Variants in C9 observed in about 807,000 individuals in gnomAD.
The protein encoded by C9 is complement C9.
In C9, 63 loss-of-function variants were observed where a neutral mutation model predicts 65.4. That is an observed-to-expected ratio of 0.96 (90% CI 0.79 to 1.19). The LOEUF is 1.19. C9 is among the 50% of genes most tolerant of loss of function. C9 has a pLI of 0.00. For missense variants in C9, 744 were observed against 670.1 expected, an observed-to-expected ratio of 1.11 and a Z score of -1.22; for synonymous variants, 229 against 227.9, an observed-to-expected ratio of 1.00 and a Z score of -0.04.
intron 9 of C9, among the ~76,000 whole-genome samples, chr5:39,296,240 G>A (rs1753183303): frequency 6.6e-6 from 1 of 151,494 alleles, no homozygotes; most frequent in Non-Finnish European, 1.5e-5. Context: ...GTGACCTGCA[G>A]AATGGGGAAA....
Position 39,306,715 on chromosome 5 carries a change from G to A in C9, c.1318C>T (p.Leu440=). The change falls in exon 9 of 11, where the codon CTG becomes TTG. Residue 440 remains leucine (L), a synonymous_variant. Coordinates refer to ENST00000263408, the MANE Select transcript of C9 (RefSeq NM_001737.5). ...GTTCCTCGGAGAAGCTTTTCTTTCA[G>A]TTCAAATGCATATTTTCTGGTTCCA... is the stretch of plus-strand genomic sequence containing the variant. ...RGGTRKYAFE[L]KEKLLRGTVI... 1 of 1,612,562 alleles carries A rather than the reference G, an allele frequency of 6.2e-7. No homozygotes were observed. Among genetic ancestry groups the A allele is most frequent in the Non-Finnish European group, 8.5e-7 (1 of 1,178,688 alleles).
At chr5:39,327,419 C>T (rs1178449058) in intron 5 of C9, among the ~76,000 whole-genome samples, 2 of 152,104 alleles carry the variant, frequency 1.3e-5, no homozygotes, top group African/African-American at 2.4e-5. Context: ...GAATAAGAAA[C>T]AGATTTAAAG....
chr5:39,341,763 G>A, intron 2 of C9, 63 bp from the exon 3 acceptor site: 1 of 1,460,778 alleles, frequency 6.8e-7, no homozygotes, highest in South Asian at 1.1e-5. Context: ...TGGTCTAAAG[G>A]TGCATCCATA....
At chr5:39,355,562 T>C (rs1221583735) in intron 1 of C9, among the ~76,000 whole-genome samples, 2 of 152,156 alleles carry the variant, frequency 1.3e-5, no homozygotes, top group Non-Finnish European at 1.5e-5. Context: ...TGACTTGAAT[T>C]CATTCTTTGA....
intron 7 of C9, among the ~76,000 whole-genome samples, chr5:39,310,072 C>G (rs1240198430): frequency 6.6e-6 from 1 of 152,108 alleles, no homozygotes; most frequent in Non-Finnish European, 1.5e-5. Flanking sequence ...ACATTACATT[C>G]CACTCCCCCC....
intron 5 of C9, among the ~76,000 whole-genome samples, chr5:39,320,646 G>C (rs1395057077): frequency 4.0e-5 from 6 of 151,166 alleles, no homozygotes; most frequent in African/African-American, 1.5e-4. Context: ...CCCCAATGTG[G>C]AGAAAAAAAA....
intron 9 of C9, among the ~76,000 whole-genome samples, chr5:39,298,415 T>C (rs1753222970): frequency 6.6e-6 from 1 of 151,276 alleles, no homozygotes; most frequent in Admixed American, 6.6e-5. Flanking sequence ...TAATTAAAAA[T>C]CAAACAAGAT....
intron 5 of C9, among the ~76,000 whole-genome samples, chr5:39,329,041 A>C (rs891681252): frequency 6.6e-6 from 1 of 152,216 alleles, no homozygotes; most frequent in African/African-American, 2.4e-5. Flanking sequence ...ACTCAGATTT[A>C]AGAAGAATTA....
chr5:39,287,169 C>CTTGT (rs1223423590), intron 10 of C9, among the ~76,000 whole-genome samples: 9 of 151,798 alleles, frequency 5.9e-5, no homozygotes, highest in African/African-American at 2.2e-4. Flanking sequence ...GTCATGTTTA[C>CTTGT]TTGTAGGAAG....
chr5:39,331,744 G>A lies in C9; in HGVS notation c.547C>T (p.Arg183Trp), dbSNP rs369854518. ...DNEFYNGLCN[R>W]DRDGNTLTYY... ...GTCAGAGTGTTTCCATCCCGATCCC[G>A]GTTACAGAGTCCATTGTAGAACTCA... is the stretch of plus-strand genomic sequence containing the variant. Residue 183 changes from arginine to tryptophan, a missense_variant, in exon 5 of 11, where the codon CGG becomes TGG. Physicochemically the swap from Arg to Trp is moderately radical, Grantham distance 101. Transcript: ENST00000263408. The A allele has an allele frequency of 1.8e-4, 290 of 1,612,944 alleles. 14 individuals are homozygous for A. The South Asian group carries it at 2.4e-3, about 14-fold the overall frequency.
chr5:39,308,585 A>C (rs531458056), intron 7 of C9, among the ~76,000 whole-genome samples: 1 of 152,280 alleles, frequency 6.6e-6, no homozygotes, highest in East Asian at 1.9e-4. Context: ...TAAGTCTACC[A>C]CATGGTTTAA....
chr5:39,343,477 A>T (rs906823177), intron 1 of C9, among the ~76,000 whole-genome samples: 4 of 152,084 alleles, frequency 2.6e-5, no homozygotes, highest in Non-Finnish European at 5.9e-5. Flanking sequence ...GAGGCTGGGG[A>T]GGGGCGCCCG....
chr5:39,285,511 GAGA>G (rs1160910982), intron 10 of C9, among the ~76,000 whole-genome samples: 1 of 152,084 alleles, frequency 6.6e-6, no homozygotes, highest in Admixed American at 6.6e-5. Context: ...GGAGAAATTG[GAGA>G]AGGTTTCATC....
At chr5:39,347,190 A>G (rs1216397577) in intron 1 of C9, among the ~76,000 whole-genome samples, 2 of 152,142 alleles carry the variant, frequency 1.3e-5, no homozygotes, top group African/African-American at 2.4e-5. Flanking sequence ...GGCAGGAGAA[A>G]GAAATAAAGG....
chr5:39,305,666 A>G (rs1033938841), intron 9 of C9, among the ~76,000 whole-genome samples: 15 of 152,292 alleles, frequency 9.8e-5, no homozygotes, highest in African/African-American at 2.6e-4. Flanking sequence ...AGATGAGGCT[A>G]AATAACATTG....
intron 5 of C9, among the ~76,000 whole-genome samples, chr5:39,317,566 G>A (rs1561341271): frequency 6.6e-6 from 1 of 152,118 alleles, no homozygotes; most frequent in Non-Finnish European, 1.5e-5. Context: ...CATATGGCTA[G>A]CCAGTTCTCC....
At chr5:39,300,748 A>G (rs1753263636) in intron 9 of C9, among the ~76,000 whole-genome samples, 1 of 152,182 alleles carries the variant, frequency 6.6e-6, no homozygotes, top group African/African-American at 2.4e-5. Flanking sequence ...GTACAAGGAG[A>G]AATAAATACA....
At chr5:39,345,025 C>A (rs543314767) in intron 1 of C9, among the ~76,000 whole-genome samples, 5 of 152,066 alleles carry the variant, frequency 3.3e-5, no homozygotes, top group African/African-American at 1.2e-4. Flanking sequence ...AAGGAAGCAC[C>A]AAACATGAAA....
chr5:39,337,675 C>T (rs1753994854), intron 4 of C9, among the ~76,000 whole-genome samples: 1 of 152,248 alleles, frequency 6.6e-6, no homozygotes, highest in Non-Finnish European at 1.5e-5. Context: ...TTGCATATCA[C>T]TTACAGCTGG....
Sources: allele counts gnomAD v4.1 joint callset (sites outside exome capture counted in the v4.1 genomes callset), GRCh38; gene constraint gnomAD v4.1.1; transcripts MANE v1.5; gene names NCBI Gene and HGNC (gene_info 2026-07-23, HGNC 2026-07-21).